The following FBXW7 variants were observed in gnomAD, a reference collection of about 807,000 sequenced individuals.
FBXW7 encodes F-box/WD repeat-containing protein 7.
In FBXW7, 11 loss-of-function variants were observed where a neutral mutation model predicts 86.3. The ratio of observed to expected loss-of-function variants is 0.13; its 90% CI spans 0.08 to 0.21. FBXW7 has a LOEUF of 0.21. Ranked by LOEUF, FBXW7 falls within the 10% of genes least tolerant of loss-of-function variation. FBXW7 has a pLI of 1.00. For missense variants in FBXW7, 488 were observed against 847.4 expected (o/e 0.58, Z 5.27); for synonymous variants, 313 against 297.9 (o/e 1.05, Z -0.52).
intron 2 of FBXW7, among the ~76,000 whole-genome samples, chr4:152,440,820 T>C (rs780559357): frequency 6.6e-6 from 1 of 152,182 alleles, no homozygotes; most frequent in Non-Finnish European, 1.5e-5. Flanking sequence ...TTATATAGAA[T>C]GTCATTTGGA....
intron 2 of FBXW7, among the ~76,000 whole-genome samples, chr4:152,430,909 G>T (rs1739836730): frequency 6.6e-6 from 1 of 152,140 alleles, no homozygotes; most frequent in African/African-American, 2.4e-5. Context: ...GGTCAGTATT[G>T]TATCCCCAGT....
Position 152,332,661 on chromosome 4 carries a change from G to A in FBXW7, c.920C>T (p.Thr307Ile), listed in dbSNP as rs764174613. 1 of 1,605,994 alleles carries A rather than the reference G, an allele frequency of 6.2e-7. No individual in the cohort carries two copies. The highest frequency in any genetic ancestry group is 2.2e-5 in the East Asian group (1 of 44,524). ...AGCCAAAATTCTCCAGTAGCGACATGTCTGAGCTGCTTGTAGCAGGTCTTT... is the reference window on the plus strand; with the variant it reads ...AGCCAAAATTCTCCAGTAGCGACATATCTGAGCTGCTTGTAGCAGGTCTTT... ...EPKDLLQAAQTCRYWRILAED... is the reference protein window; with the variant it reads ...EPKDLLQAAQICRYWRILAED... The change falls in exon 8 of 14, where the codon ACA becomes ATA. Residue 307 changes from threonine to isoleucine, a missense_variant. Transcript: ENST00000281708.
chr4:152,396,688 A>G (rs1736443067), intron 4 of FBXW7, among the ~76,000 whole-genome samples: 2 of 152,060 alleles, frequency 1.3e-5, no homozygotes, highest in African/African-American at 2.4e-5. Context: ...TATGCTAACA[A>G]TAACTCATTT....
At position 152,535,986 on chromosome 4, in the gene FBXW7, G is replaced by A. The variant is rs1561015436; in HGVS notation, c.-1072C>T. On this transcript the variant is annotated 5_prime_UTR_variant, in exon 1 of 14. Transcript: ENST00000281708. ...GACTGGATCTCTCGGATGCTCCTTCGCTCTCAGTCTCAGCGGCGGCGGCGG... is the reference window on the plus strand; with the variant it reads ...GACTGGATCTCTCGGATGCTCCTTCACTCTCAGTCTCAGCGGCGGCGGCGG... The A allele has an allele frequency of 7.9e-6, 2 of 254,734 alleles. No individual in the cohort carries two copies. Among genetic ancestry groups the A allele is most frequent in the Admixed American group, 1.1e-4 (2 of 17,676 alleles). The allele number at this position is 254,734 out of a possible 1,614,324, so 15.8% of individuals were successfully genotyped here. A position where few individuals can be genotyped will look rare whatever the true frequency, so the allele number is the denominator to read the frequency against.
Position 152,347,056 on chromosome 4 carries a change from T to C in FBXW7, c.600A>G (p.Val200=), listed in dbSNP as rs1207740381. 1 of 1,597,296 alleles carries C rather than the reference T, an allele frequency of 6.3e-7. No homozygotes were observed. Among genetic ancestry groups the C allele is most frequent in the Non-Finnish European group, 8.5e-7 (1 of 1,175,238 alleles). Residue 200 remains valine (V), a synonymous_variant, in exon 6 of 14, where the codon GTA becomes GTG. Coordinates refer to ENST00000281708, the MANE Select transcript of FBXW7 (RefSeq NM_001349798.2). The stretch of plus-strand genomic sequence containing the variant: ...AAGTTGTTGGTGTTGCTGAACATGG[T>C]ACAAGCCCAGTGGTACTACAAAAAA... The part of the protein sequence containing the change: ...VSEYTSTTGL[V]PCSATPTTFG...
rs1391190334 is a variant in FBXW7 at position 152,448,791 on chromosome 4, G to A, written c.-119-36262C>T. ...CCAAGAAAAACTGGATATTAAAACA[G>A]AAGTCTCCCAGCTACTCTTTAGAAA... On this transcript the variant is annotated intron_variant, in intron 2 of 13. Transcript: ENST00000281708. Among the ~76,000 whole-genome samples, 3 of 152,270 alleles carry A rather than the reference G, an allele frequency of 2.0e-5. No individual in the cohort carries two copies. The East Asian group carries it at 5.8e-4, about 29-fold the overall frequency.
chr4:152,326,487 C>T (rs965160270), intron 11 of FBXW7, among the ~76,000 whole-genome samples: 1 of 151,872 alleles, frequency 6.6e-6, no homozygotes, highest in Non-Finnish European at 1.5e-5. Flanking sequence ...GGTTCAGCAC[C>T]TTAAGGTTCT....
intron 2 of FBXW7, among the ~76,000 whole-genome samples, chr4:152,439,183 C>G (rs1740646762): frequency 6.6e-6 from 1 of 151,992 alleles, no homozygotes; most frequent in Non-Finnish European, 1.5e-5. Context: ...ACCATCTGGT[C>G]AAGCTGTGAG....
intron 4 of FBXW7, among the ~76,000 whole-genome samples, chr4:152,377,125 G>GA (rs199954924): frequency 0.016 from 2,441 of 151,850 alleles, 57 homozygotes; most frequent in African/African-American, 0.055. Context: ...AAGTTCACAA[G>GA]AAAAAAAATG....
intron 4 of FBXW7, among the ~76,000 whole-genome samples, chr4:152,374,996 C>T (rs953480406): frequency 1.3e-5 from 2 of 151,898 alleles, no homozygotes; most frequent in Non-Finnish European, 2.9e-5. Context: ...TGTTGAGTTT[C>T]GTGAAATCCC....
Position 152,536,001 on chromosome 4 carries a change from GGCGGCGGCGGCGGCA to G in FBXW7, c.-1102_-1088del. 2 of 209,926 alleles carry G rather than the reference GGCGGCGGCGGCGGCA, an allele frequency of 9.5e-6. No individual in the cohort carries two copies. The highest frequency in any genetic ancestry group is 6.3e-5 in the Admixed American group (1 of 15,944). The allele number at this position is 209,926 out of a possible 1,614,324, so 13.0% of individuals were successfully genotyped here. ...ATGCTCCTTCGCTCTCAGTCTCAGC[GGCGGCGGCGGCGGCA>G]GCGGCAGCGGCAGCGCCCGGAGCTC... On this transcript the variant is annotated 5_prime_UTR_variant, in exon 1 of 14. Transcript: ENST00000281708.
chr4:152,378,024 C>G (rs1431455338), intron 4 of FBXW7, among the ~76,000 whole-genome samples: 1 of 152,044 alleles, frequency 6.6e-6, no homozygotes, highest in Non-Finnish European at 1.5e-5. Flanking sequence ...ACAGTCATGC[C>G]TATTTGTTTA....
Position 152,332,800 on chromosome 4 carries a change from A to G in FBXW7, c.862-81T>C, listed in dbSNP as rs115434731. 78 of 655,954 alleles carry G rather than the reference A, an allele frequency of 1.2e-4. No homozygotes were observed. The African/African-American group carries it at 1.4e-3, about 11-fold the overall frequency. The allele number at this position is 655,954 out of a possible 1,614,324, so 40.6% of individuals were successfully genotyped here. A position where few individuals can be genotyped will look rare whatever the true frequency, so the allele number is the denominator to read the frequency against. ...TAATAAGTTAATTATTCTCCACAGG[A>G]TGAGATACTTGATAAATATAATTCT... On this transcript the variant is annotated intron_variant, in intron 7 of 13. Transcript: ENST00000281708.
chr4:152,326,595 A>C (rs1316568221), intron 11 of FBXW7, among the ~76,000 whole-genome samples: 1 of 152,122 alleles, frequency 6.6e-6, no homozygotes, highest in Non-Finnish European at 1.5e-5. Context: ...TAGAAATAAA[A>C]TGTTAATGTG....
rs1284155853 is a variant in FBXW7, at chr4:152,471,372, G to GGAAGGAAGGAGA, written c.-119-58855_-119-58844dup. Among the ~76,000 whole-genome samples the GGAAGGAAGGAGA allele has an allele frequency of 5.1e-4, 73 of 143,582 alleles. 1 individual carries two copies. The South Asian group carries it at 9.8e-3, about 19-fold the overall frequency. 94.2% of individuals were successfully genotyped at this position (143,582 alleles called of 152,430 possible). On this transcript the variant is annotated intron_variant, in intron 2 of 13. Transcript: ENST00000281708. ...CAATTACAGGGAGGGAAGGAAGGAGGGAAGGAAGGAGAGAAGGAAGGAGGG... is the reference window on the plus strand; with the variant it reads ...CAATTACAGGGAGGGAAGGAAGGAGGGAAGGAAGGAGAGAAGGAAGGAGAGAAGGAAGGAGGG...
intron 2 of FBXW7, among the ~76,000 whole-genome samples, chr4:152,519,739 G>C (rs145531907): frequency 1.1e-3 from 166 of 152,246 alleles, no homozygotes; most frequent in Middle Eastern, 6.8e-3. Context: ...CCTTCCAATA[G>C]GATGATTTTC....
Position 152,376,972 on chromosome 4 carries a change from A to C in FBXW7, c.502-26848T>G, listed in dbSNP as rs564827421. 7.9e-5 allele frequency among the ~76,000 whole-genome samples: 12 copies of C among 152,294 alleles called. No homozygotes were observed. The South Asian group carries it at 2.5e-3, about 32-fold the overall frequency. On this transcript the variant is annotated intron_variant, in intron 4 of 13. Coordinates refer to ENST00000281708, the MANE Select transcript of FBXW7 (RefSeq NM_001349798.2). ...AAAACTTAAAAGGGATTACACAAAA[A>C]ATTTTAAATTTATAAAGGGACGGTG...
At chr4:152,505,612 C>T (rs1353816458) in intron 2 of FBXW7, among the ~76,000 whole-genome samples, 1 of 152,126 alleles carries the variant, frequency 6.6e-6, no homozygotes, top group African/African-American at 2.4e-5. Flanking sequence ...ATATCACTGT[C>T]TTCCATCTCC....
chr4:152,471,521 G>C (rs1743967573), intron 2 of FBXW7, among the ~76,000 whole-genome samples: 1 of 124,238 alleles, frequency 8.0e-6, no homozygotes, highest in Non-Finnish European at 1.7e-5. Context: ...TGGGGAGGGA[G>C]GGAGGGAGGG....
Sources: allele counts gnomAD v4.1 joint callset (sites outside exome capture counted in the v4.1 genomes callset), GRCh38; gene constraint gnomAD v4.1.1; transcripts MANE v1.5; gene names NCBI Gene and HGNC (gene_info 2026-07-23, HGNC 2026-07-21).